The following AACS variants were observed in gnomAD, a reference collection of about 807,000 sequenced individuals.
AACS encodes acetoacetyl-CoA synthetase.
In AACS, 69 loss-of-function variants were observed where a neutral mutation model predicts 83.1. The observed-to-expected ratio is 0.83, with a 90% CI of 0.68 to 1.01. The LOEUF (loss-of-function observed/expected upper bound fraction) is 1.01. Ranked by LOEUF, AACS falls within the 50% of genes least tolerant of loss-of-function variation. The pLI, the probability that AACS is intolerant of heterozygous loss-of-function variation, is 0.00. For synonymous variants in AACS, 333 were observed against 343.4 expected (o/e 0.97, Z 0.33); for missense variants, 866 against 882.2 (o/e 0.98, Z 0.23).
chr12:125,118,197 A>G (rs928462492), intron 9 of AACS: 2 of 165,226 alleles, frequency 1.2e-5, no homozygotes, highest in African/African-American at 2.4e-5. Flanking sequence ...ATGGATGAAC[A>G]ATGTCTTGGG....
intron 9 of AACS, chr12:125,118,025 G>A (rs1957088220): frequency 6.6e-6 from 1 of 152,426 alleles, no homozygotes; most frequent in Non-Finnish European, 1.5e-5. Flanking sequence ...CAACTAAATG[G>A]AGACCTTTGG....
chr12:125,089,431 A>T (rs932666349), intron 4 of AACS, among the ~76,000 whole-genome samples: 2 of 152,074 alleles, frequency 1.3e-5, no homozygotes, highest in Non-Finnish European at 2.9e-5. Flanking sequence ...TCGTCTCGTG[A>T]CTGCCTTCTG....
rs765091999 is a variant in AACS, at chr12:125,076,554, T to C, written c.301T>C (p.Tyr101His). The C allele has an allele frequency of 1.2e-6, 2 of 1,614,180 alleles. No individual in the cohort carries two copies. Among genetic ancestry groups the C allele is most frequent in the South Asian group, 1.1e-5 (1 of 91,088 alleles). The change falls in exon 3 of 18, where the codon TAT (tyrosine) becomes CAT (histidine). Residue 101 changes from tyrosine (Y) to histidine (H), a missense_variant. Transcript: ENST00000316519. The stretch of plus-strand genomic sequence containing the variant: ...GTGGTTCAAAGGCAGTCGGCTCAAC[T>C]ATGCAGAAAACCTCCTGCGGCACAA... ...PEWFKGSRLN[Y>H]AENLLRHKEN...
At chr12:125,103,516 G>T (rs574229934) in intron 7 of AACS, among the ~76,000 whole-genome samples, 3 of 151,408 alleles carry the variant, frequency 2.0e-5, no homozygotes, top group Admixed American at 1.3e-4. Flanking sequence ...TACGTGCACA[G>T]GTGCACATGC....
rs910296278 is a variant in AACS at position 125,130,094 on chromosome 12, C to T, written c.1549+634C>T. Among the ~76,000 whole-genome samples the T allele has an allele frequency of 5.0e-4, 76 of 152,332 alleles. No homozygotes were observed. The highest frequency in any genetic ancestry group is 1.7e-3 in the African/African-American group (70 of 41,576). On this transcript the variant is annotated intron_variant, in intron 14 of 17. Coordinates refer to ENST00000316519, the MANE Select transcript of AACS (RefSeq NM_023928.5). This position sits in a 1 kb window ranked among gnomAD's most constrained non-coding sequence, Gnocchi z 4.9. ...GAGTTACTGCTGCTATATAATTCAT[C>T]GTTTAGCAAGCCTTCTGTTCCAGAG...
intron 4 of AACS, among the ~76,000 whole-genome samples, chr12:125,089,733 C>G (rs891000314): frequency 2.0e-5 from 3 of 152,038 alleles, no homozygotes; most frequent in Non-Finnish European, 2.9e-5. Context: ...ATCCATCCTT[C>G]TCTCCACCTA....
At chr12:125,139,635 A>G (rs1418006843) in intron 17 of AACS, 1 of 152,268 alleles carries the variant, frequency 6.6e-6, no homozygotes, top group African/African-American at 2.4e-5. Context: ...GCCCTTCCAC[A>G]CACCTGATCT....
At chr12:125,076,881 C>T (rs1956038415) in intron 3 of AACS, among the ~76,000 whole-genome samples, 1 of 152,140 alleles carries the variant, frequency 6.6e-6, no homozygotes, top group Non-Finnish European at 1.5e-5. Flanking sequence ...ACTAGAATCT[C>T]TTCCCATTGG....
In AACS at chr12:125,142,412, G is replaced by A. The variant is rs900174399; in HGVS notation, c.*183G>A. 20 of 834,080 alleles carry A rather than the reference G, an allele frequency of 2.4e-5. No individual in the cohort carries two copies. The highest frequency in any genetic ancestry group is 3.5e-4 in the Middle Eastern group (1 of 2,896). 51.7% of individuals were successfully genotyped at this position (834,080 alleles called of 1,614,324 possible). A position where few individuals can be genotyped will look rare whatever the true frequency, so the allele number is the denominator to read the frequency against. On this transcript the variant is annotated 3_prime_UTR_variant, in exon 18 of 18. Transcript: ENST00000316519. Reference sequence around the variant, plus strand: ...TGGTGGGTACCTGGATCTTCCACACGAGTGGGATTCTGGCCTTCAGAGACC... The same window carrying A: ...TGGTGGGTACCTGGATCTTCCACACAAGTGGGATTCTGGCCTTCAGAGACC...
chr12:125,096,814 C>G (rs1267831506), intron 5 of AACS, among the ~76,000 whole-genome samples: 1 of 151,656 alleles, frequency 6.6e-6, no homozygotes, highest in Non-Finnish European at 1.5e-5. Flanking sequence ...TGCATCTGGG[C>G]ACTGAGAATG....
chr12:125,078,440 C>G (rs1300622254), intron 3 of AACS: 4 of 412,850 alleles, frequency 9.7e-6, no homozygotes, highest in Non-Finnish European at 2.0e-5. Context: ...GATAGGTGGT[C>G]TGGGGTCAGG....
intron 4 of AACS, among the ~76,000 whole-genome samples, chr12:125,090,581 A>G (rs2136074396): frequency 6.6e-6 from 1 of 151,574 alleles, no homozygotes; most frequent in South Asian, 2.1e-4. Flanking sequence ...ATCATCCCTC[A>G]TACATCATCC....
At chr12:125,081,045 T>A (rs1956168832) in intron 3 of AACS, among the ~76,000 whole-genome samples, 1 of 151,828 alleles carries the variant, frequency 6.6e-6, no homozygotes, top group Admixed American at 6.6e-5. Flanking sequence ...CAGGCTGGAG[T>A]GCAGTGTCGT....
At chr12:125,082,187 T>C (rs1956206558) in intron 3 of AACS, among the ~76,000 whole-genome samples, 3 of 150,264 alleles carry the variant, frequency 2.0e-5, no homozygotes, top group Admixed American at 2.0e-4. Flanking sequence ...TTTTTTTTTT[T>C]TGGAGACAGG....
intron 5 of AACS, among the ~76,000 whole-genome samples, chr12:125,093,414 G>A (rs542999617): frequency 3.1e-4 from 47 of 152,356 alleles, no homozygotes; most frequent in African/African-American, 1.1e-3. Flanking sequence ...ATCCAGCCTC[G>A]CTGGGTCATT....
chr12:125,128,270 G>A lies in AACS; in HGVS notation c.1419G>A (p.Glu473=), dbSNP rs1957276837. The A allele has an allele frequency of 6.2e-7, 1 of 1,610,898 alleles. No individual in the cohort carries two copies. Among genetic ancestry groups the A allele is most frequent in the African/African-American group, 1.3e-5 (1 of 74,884 alleles). Residue 473 remains glutamate, a synonymous_variant, in exon 13 of 18, where the codon GAG becomes GAA. Transcript: ENST00000316519. Reference sequence around the variant, plus strand: ...GCATGGCCGTGGAAGCGTGGAACGAGGAAGGTGATGGCTCCACCAACTGTT... The same window carrying A: ...GCATGGCCGTGGAAGCGTGGAACGAAGAAGGTGATGGCTCCACCAACTGTT... ...NLGMAVEAWN[E]EGKAVWGESG... is the part of the protein sequence containing the mutation.
In AACS at chr12:125,096,578, A is replaced by G. The variant is rs540952517; in HGVS notation, c.570+5055A>G. On this transcript the variant is annotated intron_variant, in intron 5 of 17. Transcript: ENST00000316519. ...GGGCTGGAGGGAGCCAGGTGCAGGG[A>G]TACCTTGTCCAGGGCCATGTGGCCA... Among the ~76,000 whole-genome samples the G allele has an allele frequency of 2.0e-4, 30 of 152,288 alleles. No homozygotes were observed. In the East Asian group the frequency reaches 5.8e-3, roughly 29 times the overall value.
rs747375668 is a variant in AACS, at chr12:125,142,066, CCT to C, written c.1882-25_1882-24del. Reference sequence around the variant, plus strand: ...TTTCCCCCCTTCAGGTTTAAATGTTCCTGTTTTTCTACCTTTCCCTCGCAGTA... The same window carrying C: ...TTTCCCCCCTTCAGGTTTAAATGTTCGTTTTTCTACCTTTCCCTCGCAGTA... On this transcript the variant is annotated intron_variant, in intron 17 of 17. Transcript: ENST00000316519. 7 of 1,613,228 alleles carry C rather than the reference CCT, an allele frequency of 4.3e-6. No homozygotes were observed. In the East Asian group the frequency reaches 1.3e-4, roughly 31 times the overall value.
At chr12:125,112,384 T>TA (rs1592985708) in intron 8 of AACS, among the ~76,000 whole-genome samples, 1 of 152,174 alleles carries the variant, frequency 6.6e-6, no homozygotes. Flanking sequence ...ATGCTGCTGA[T>TA]AAAGACATAC....
Sources: gnomAD v4.1 joint callset for allele counts (sites outside exome capture counted in the v4.1 genomes callset) on GRCh38, gnomAD v4.1.1 for gene constraint, Gnocchi (gnomAD v3.1) non-coding constraint, MANE v1.5 for transcripts, NCBI Gene and HGNC (gene_info 2026-07-23, HGNC 2026-07-21) for gene names.